ZNF362: variants seen among roughly 807,000 people sequenced by gnomAD.
ZNF362 encodes the protein rotund homolog.
A neutral mutation model predicts 42.9 loss-of-function variants in ZNF362; 11 were observed. The ratio of observed to expected loss-of-function variants is 0.26; its 90% CI spans 0.16 to 0.42. ZNF362 has a LOEUF of 0.42. Among genes scored for constraint, ZNF362 ranks in the 20% least tolerant of loss-of-function variants. ZNF362 has a pLI of 1.00. For synonymous variants in ZNF362, 255 were observed against 257.3 expected (o/e 0.99, Z 0.09); for missense variants, 362 against 576.2 (o/e 0.63, Z 3.81).
rs1048831591 is a variant in ZNF362 at position 33,294,881 on chromosome 1, G to C, written c.909-56G>C. 6.9e-6 allele frequency: 11 copies of C among 1,596,612 alleles called. No homozygotes were observed. The African/African-American group carries it at 1.3e-4, about 19-fold the overall frequency. On this transcript the variant is annotated intron_variant, in intron 6 of 8. Transcript: ENST00000539719. The surrounding 1 kb of genome is among the most constrained non-coding windows in gnomAD (Gnocchi z 4.2). The stretch of plus-strand genomic sequence containing the variant: ...GGCCAGAGTAAGGACTTGGGAACTG[G>C]AGCGGTCTTGGGGTGTGTGTCAGGG...
At chr1:33,282,161 C>T (rs1310363738) in intron 6 of ZNF362, among the ~76,000 whole-genome samples, 1 of 152,220 alleles carries the variant, frequency 6.6e-6, no homozygotes, top group Non-Finnish European at 1.5e-5. Flanking sequence ...TGTGTCCCCA[C>T]AGGGCTCTGT....
chr1:33,199,176 C>T, the ZNF362 span, among the ~76,000 whole-genome samples: 1 of 152,162 alleles, frequency 6.6e-6, no homozygotes, highest in Admixed American at 6.5e-5. Context: ...CCATGAAACT[C>T]AACAAACCTA....
At chr1:33,198,303 C>G in the ZNF362 span, among the ~76,000 whole-genome samples, 1 of 152,028 alleles carries the variant, frequency 6.6e-6, no homozygotes, top group Non-Finnish European at 1.5e-5. Context: ...CCCAGTAGTT[C>G]AAGACCAACC....
the ZNF362 span, among the ~76,000 whole-genome samples, chr1:33,167,417 TC>T: frequency 6.6e-6 from 1 of 152,214 alleles, no homozygotes; most frequent in Non-Finnish European, 1.5e-5. The surrounding 1 kb of genome is among the most constrained non-coding windows in gnomAD (Gnocchi z 4.2). Context: ...AGGTGAGTGC[TC>T]CCTAGCACAG....
the ZNF362 span, among the ~76,000 whole-genome samples, chr1:33,175,001 G>GTATATGTA: frequency 3.8e-4 from 51 of 135,668 alleles, 1 homozygote; most frequent in African/African-American, 1.1e-3. Flanking sequence ...ACACACACAT[G>GTATATGTA]TATGTATATG....
At chr1:33,168,745 G>C in the ZNF362 span, among the ~76,000 whole-genome samples, 2 of 152,332 alleles carry the variant, frequency 1.3e-5, no homozygotes, top group South Asian at 4.1e-4. Flanking sequence ...CTCCTCAGGT[G>C]CCTCTGACAG....
the ZNF362 span, among the ~76,000 whole-genome samples, chr1:33,206,088 T>A: frequency 3.3e-5 from 5 of 152,236 alleles, no homozygotes; most frequent in Admixed American, 2.6e-4. Flanking sequence ...AATTATATAT[T>A]CATGTGCAAA....
At chr1:33,227,145 T>C in the ZNF362 span, among the ~76,000 whole-genome samples, 2 of 152,188 alleles carry the variant, frequency 1.3e-5, no homozygotes, top group African/African-American at 2.4e-5. Flanking sequence ...TATACTAAAA[T>C]TCATTGAACT....
At chr1:33,215,993 T>A in the ZNF362 span, among the ~76,000 whole-genome samples, 1 of 152,034 alleles carries the variant, frequency 6.6e-6, no homozygotes, top group South Asian at 2.1e-4. Flanking sequence ...TCTTATTATA[T>A]GTCAGTATCT....
rs545409217 is a variant in ZNF362, at chr1:33,298,995, G to A, written c.1212G>A (p.Ser404=). 3 of 1,613,056 alleles carry A rather than the reference G, an allele frequency of 1.9e-6. No homozygotes were observed. The highest frequency in any genetic ancestry group is 2.2e-5 in the South Asian group (2 of 91,082). The change falls in exon 9 of 9, where the codon TCG becomes TCA. Residue 404 remains serine, a synonymous_variant. Coordinates refer to ENST00000539719, the MANE Select transcript of ZNF362 (RefSeq NM_152493.3). ...TGGAGCACCTGGTGAGCCATCACTCGCCCCAGAGGACGGAGTCCCCCGGCA... is the reference window on the plus strand; with the variant it reads ...TGGAGCACCTGGTGAGCCATCACTCACCCCAGAGGACGGAGTCCCCCGGCA... The part of the protein sequence containing the change: ...TVVEHLVSHH[S]PQRTESPGIP...
At chr1:33,279,221 T>G (rs915809476) in intron 4 of ZNF362, among the ~76,000 whole-genome samples, 6 of 152,084 alleles carry the variant, frequency 3.9e-5, no homozygotes, top group Non-Finnish European at 7.4e-5. Context: ...GACAGGGTTT[T>G]GCCACGTTGC....
At chr1:33,264,501 G>T (rs191508922) in intron 1 of ZNF362, among the ~76,000 whole-genome samples, 2 of 152,342 alleles carry the variant, frequency 1.3e-5, no homozygotes, top group African/African-American at 4.8e-5. Flanking sequence ...AACCCATGGA[G>T]ATACCATAAT....
At chr1:33,158,997 C>G in the ZNF362 span, among the ~76,000 whole-genome samples, 1 of 152,002 alleles carries the variant, frequency 6.6e-6, no homozygotes, top group Non-Finnish European at 1.5e-5. Context: ...CCTGCCACCA[C>G]GCCCGGCTAA....
At chr1:33,147,228 G>A in the ZNF362 span, 8 of 1,614,010 alleles carry the variant, frequency 5.0e-6, no homozygotes, top group East Asian at 4.5e-5. The surrounding 1 kb of genome is among the most constrained non-coding windows in gnomAD (Gnocchi z 8.1). Context: ...TGCCATTGGC[G>A]TGGCTCTGGC....
the ZNF362 span, among the ~76,000 whole-genome samples, chr1:33,145,072 C>T: frequency 3.9e-5 from 6 of 152,186 alleles, no homozygotes; most frequent in Non-Finnish European, 8.8e-5. Flanking sequence ...GTGTGGTTCC[C>T]GAGACCAGGC....
chr1:33,144,866 A>G, the ZNF362 span, among the ~76,000 whole-genome samples: 1 of 152,178 alleles, frequency 6.6e-6, no homozygotes, highest in African/African-American at 2.4e-5. Context: ...AAACCCATAC[A>G]GCTCCAGGCA....
At chr1:33,259,300 G>C (rs559425321) in intron 1 of ZNF362, among the ~76,000 whole-genome samples, 1 of 152,274 alleles carries the variant, frequency 6.6e-6, no homozygotes, top group East Asian at 1.9e-4. Flanking sequence ...ATAACGGCCA[G>C]CGCTCCATGG....
chr1:33,270,320 G>A (rs1201344079), intron 1 of ZNF362, among the ~76,000 whole-genome samples, 167 bp from the exon 2 acceptor site: 3 of 152,168 alleles, frequency 2.0e-5, no homozygotes, highest in African/African-American at 7.2e-5. Context: ...GTGATTTGGG[G>A]CAAGTTGGTC....
At chr1:33,250,868 G>GAAGAAGAAGAAGAAGAA in the ZNF362 span, among the ~76,000 whole-genome samples, 1 of 150,468 alleles carries the variant, frequency 6.6e-6, no homozygotes, top group Non-Finnish European at 1.5e-5. Context: ...AGAAGAAGAA[G>GAAGAAGAAGAAGAAGAA]AAGAAGAAGA....
Sources: gnomAD v4.1 joint callset for allele counts (sites outside exome capture counted in the v4.1 genomes callset) on GRCh38, gnomAD v4.1.1 for gene constraint, Gnocchi (gnomAD v3.1) non-coding constraint, MANE v1.5 for transcripts, NCBI Gene and HGNC (gene_info 2026-07-23, HGNC 2026-07-21) for gene names.